Variants in PJA2 observed in about 807,000 individuals in gnomAD.
PJA2 encodes the protein praja ring finger ubiquitin ligase 2, also known as E3 ubiquitin-protein ligase Praja-2.
Under a neutral mutation model 69.3 loss-of-function variants are expected in PJA2, and 25 were observed. That is an observed-to-expected ratio of 0.36 (90% confidence interval 0.26 to 0.50). The LOEUF (loss-of-function observed/expected upper bound fraction) is 0.50. PJA2 is among the 20% of genes least tolerant of loss of function. The pLI, the probability that PJA2 is intolerant of heterozygous loss-of-function variation, is 0.96. For missense variants in PJA2, 809 were observed against 830.2 expected (o/e 0.97, Z 0.31); for synonymous variants, 308 against 277.8 (o/e 1.11, Z -1.08).
chr5:109,344,462 G>T, intron 8 of PJA2, 151 bp from the exon 9 acceptor site: 1 of 854,542 alleles, frequency 1.2e-6, no homozygotes, highest in Non-Finnish European at 1.7e-6. Flanking sequence ...TCTAATACTT[G>T]GCAATTTGGA....
At position 109,336,624 on chromosome 5, in the gene PJA2, G is replaced by A. The variant is rs898084559; in HGVS notation, c.*607C>T. On this transcript the variant is annotated 3_prime_UTR_variant, in exon 10 of 10. Transcript: ENST00000361189. ...TTTACTACCTAACTTTATTTCAGGG[G>A]GAGTTACGTCTACGATTTAAAACTT... is the stretch of plus-strand genomic sequence containing the variant. The A allele has an allele frequency of 6.6e-6, 1 of 151,958 alleles. No homozygotes were observed. Among genetic ancestry groups the A allele is most frequent in the Non-Finnish European group, 1.5e-5 (1 of 68,006 alleles). The allele number at this position is 151,958 out of a possible 1,614,324, so 9.4% of individuals were successfully genotyped here.
chr5:109,378,275 C>A lies in PJA2; in HGVS notation c.1212G>T (p.Arg404Ser). The change falls in exon 4 of 10, where the codon AGG becomes AGT. Residue 404 changes from arginine to serine, a missense_variant. Physicochemically the swap from Arg to Ser is moderately radical, Grantham distance 110. This residue lies in a region of PJA2 where 700 missense variants were observed against 639.5 expected (regional missense o/e 1.09). Coordinates refer to ENST00000361189, the MANE Select transcript of PJA2 (RefSeq NM_014819.5). ...MTSESGATAG[R>S]QEVDNTFWNG... ...TCCAAAAGGTGTTATCCACCTCTTG[C>A]CTTCCTGCTGTGGCTCCACTTTCTG... 1 of 1,614,050 alleles carries A rather than the reference C, an allele frequency of 6.2e-7. No homozygotes were observed.
At chr5:109,392,300 C>A (rs1747300329) in intron 1 of PJA2, among the ~76,000 whole-genome samples, 1 of 151,692 alleles carries the variant, frequency 6.6e-6, no homozygotes, top group African/African-American at 2.4e-5. Flanking sequence ...GTGGCTCTTG[C>A]CTGAAATCTC....
At chr5:109,394,188 T>C (rs1240396947) in intron 1 of PJA2, among the ~76,000 whole-genome samples, 5 of 151,648 alleles carry the variant, frequency 3.3e-5, no homozygotes, top group African/African-American at 7.3e-5. Flanking sequence ...GCTGGGATTA[T>C]AGGTACCCGC....
At position 109,371,573 on chromosome 5, in the gene PJA2, A is replaced by G. The variant is rs1762675559; in HGVS notation, c.1284-2827T>C. ...AAATGCTTTTCTCCAAATTAGACCTATATAGTCAATTATTAATTGGTGTTC... is the reference window on the plus strand; with the variant it reads ...AAATGCTTTTCTCCAAATTAGACCTGTATAGTCAATTATTAATTGGTGTTC... On this transcript the variant is annotated intron_variant, in intron 4 of 9. Transcript: ENST00000361189. Among the ~76,000 whole-genome samples, 4 of 152,218 alleles carry G rather than the reference A, an allele frequency of 2.6e-5. No individual in the cohort carries two copies. The South Asian group carries it at 8.3e-4, about 31-fold the overall frequency.
At chr5:109,394,300 C>T (rs967362557) in intron 1 of PJA2, among the ~76,000 whole-genome samples, 4 of 151,630 alleles carry the variant, frequency 2.6e-5, no homozygotes, top group African/African-American at 9.7e-5. Context: ...CACCCGCCTC[C>T]GCCTCTCAAA....
rs1761910374 is a variant in PJA2, at chr5:109,334,848, T to C, written c.*2383A>G. On this transcript the variant is annotated 3_prime_UTR_variant, in exon 10 of 10. Coordinates refer to ENST00000361189, the MANE Select transcript of PJA2 (RefSeq NM_014819.5). ...AAAAACTTGCATTCCATTTTAACAA[T>C]TCGTATGTATCTAACAAATACATAA... 1 of 152,606 alleles carries C rather than the reference T, an allele frequency of 6.6e-6. No homozygotes were observed. The allele number at this position is 152,606 out of a possible 1,614,324, so 9.5% of individuals were successfully genotyped here.
intron 7 of PJA2, among the ~76,000 whole-genome samples, chr5:109,345,275 G>T (rs1762154501): frequency 6.6e-6 from 1 of 150,430 alleles, no homozygotes. Flanking sequence ...AGAATTGCTT[G>T]AACCCAGGAG....
At chr5:109,369,062 T>G (rs959713992) in intron 4 of PJA2, among the ~76,000 whole-genome samples, 8 of 152,134 alleles carry the variant, frequency 5.3e-5, no homozygotes, top group Non-Finnish European at 1.0e-4. Flanking sequence ...GAAGCCTTGT[T>G]CCTGCTCTGC....
chr5:109,363,052 A>C (rs1307772677), intron 5 of PJA2, 30 bp from the exon 6 acceptor site: 9 of 1,529,136 alleles, frequency 5.9e-6, no homozygotes, highest in Non-Finnish European at 8.0e-6. Flanking sequence ...GGAAGAAAAA[A>C]ATATTATTTT....
At position 109,381,611 on chromosome 5, in the gene PJA2, A is replaced by G. The variant is rs1335675020; in HGVS notation, c.124T>C (p.Tyr42His). Residue 42 changes from tyrosine (Y) to histidine (H), a missense_variant, in exon 3 of 10, where the codon TAT becomes CAT. By Grantham distance (83) the Tyr-to-His change is moderately conservative (BLOSUM62 2). Around this residue, in one of 4 missense-constraint regions of PJA2, gnomAD observed 700 missense variants for 639.5 expected, o/e 1.09. Transcript: ENST00000361189. The part of the protein sequence containing the change: ...TGRRYGRRHA[Y>H]VSFKPCMTRH... ...GTCATACATGGTTTAAAACTGACAT[A>G]AGCATGTCTTCTTCCATATCTCCTG... is the stretch of plus-strand genomic sequence containing the variant. The G allele has an allele frequency of 9.3e-6, 15 of 1,614,166 alleles. No individual in the cohort carries two copies. Among genetic ancestry groups the G allele is most frequent in the Non-Finnish European group, 1.2e-5 (14 of 1,180,014 alleles).
rs1362203260 is a variant in PJA2, at chr5:109,340,863, A to AGCCCCTAACC, written c.2001+3317_2001+3326dup. 4.0e-5 allele frequency among the ~76,000 whole-genome samples: 4 copies of AGCCCCTAACC among 100,562 alleles called. 1 individual carries two copies. The highest frequency in any genetic ancestry group is 9.9e-5 in the Non-Finnish European group (4 of 40,286). 66.0% of individuals were successfully genotyped at this position (100,562 alleles called of 152,430 possible). On this transcript the variant is annotated intron_variant, in intron 9 of 9. Coordinates refer to ENST00000361189, the MANE Select transcript of PJA2 (RefSeq NM_014819.5). ...CGCTGTGTTGGCCGGGCCGGTCTCC[A>AGCCCCTAACC]GCCCCTAACCGCGAGTGATCCGCCA... is the stretch of plus-strand genomic sequence containing the variant.
chr5:109,366,239 T>C (rs1213281592), intron 5 of PJA2, among the ~76,000 whole-genome samples: 1 of 152,174 alleles, frequency 6.6e-6, no homozygotes, highest in Non-Finnish European at 1.5e-5. Flanking sequence ...GAATCACTGT[T>C]AGAAAATAAA....
At chr5:109,398,924 G>A (rs185056013) in intron 1 of PJA2, among the ~76,000 whole-genome samples, 1 of 152,198 alleles carries the variant, frequency 6.6e-6, no homozygotes, top group African/African-American at 2.4e-5. Context: ...ACCTATCAAA[G>A]AAATGGGGCC....
intron 6 of PJA2, among the ~76,000 whole-genome samples, chr5:109,361,635 G>C (rs567515191): frequency 6.6e-6 from 1 of 152,328 alleles, no homozygotes; most frequent in African/African-American, 2.4e-5. Context: ...GAGGAAAAGA[G>C]AGACGTATCA....
chr5:109,378,885 A>G lies in PJA2; in HGVS notation c.602T>C (p.Val201Ala), dbSNP rs1477519861. The stretch of plus-strand genomic sequence containing the variant: ...TGCCTCTCTGTTTTCCAACTCAAAT[A>G]CTGTATTGCCTAATGATTCCTGGTA... ...SRYQESLGNT[V>A]FELENREAEA... The change falls in exon 4 of 10, where the codon GTA (valine) becomes GCA (alanine). Residue 201 changes from valine (V) to alanine (A), a missense_variant. Around this residue, in one of 4 missense-constraint regions of PJA2, gnomAD observed 700 missense variants for 639.5 expected, o/e 1.09. Transcript: ENST00000361189. The G allele has an allele frequency of 5.0e-6, 8 of 1,613,926 alleles. No individual in the cohort carries two copies. The highest frequency in any genetic ancestry group is 2.7e-5 in the African/African-American group (2 of 74,880).
At chr5:109,381,963 G>T (rs1747059926) in intron 2 of PJA2, among the ~76,000 whole-genome samples, 1 of 151,912 alleles carries the variant, frequency 6.6e-6, no homozygotes, top group Non-Finnish European at 1.5e-5. Context: ...AGGTATTTCA[G>T]ATTTTTATAA....
chr5:109,365,747 C>T (rs555826447), intron 5 of PJA2, among the ~76,000 whole-genome samples: 7 of 152,250 alleles, frequency 4.6e-5, no homozygotes, highest in African/African-American at 1.4e-4. Context: ...CAGAAACCAT[C>T]CCTTTAATTA....
chr5:109,345,376 T>C (rs1431741693), intron 7 of PJA2, among the ~76,000 whole-genome samples: 2 of 144,696 alleles, frequency 1.4e-5, no homozygotes, highest in Non-Finnish European at 1.5e-5. Flanking sequence ...AAAAAGCAGG[T>C]CGTGGTAGTG....
Sources: gnomAD v4.1 joint callset for allele counts (sites outside exome capture counted in the v4.1 genomes callset) on GRCh38, gnomAD v4.1.1 for gene constraint, gnomAD v4.1.1 regional missense constraint, MANE v1.5 for transcripts, NCBI Gene and HGNC (gene_info 2026-07-23, HGNC 2026-07-21) for gene names.